CACNA2D3: variants seen among roughly 807,000 people sequenced by gnomAD.
The protein encoded by CACNA2D3 is voltage-dependent calcium channel subunit alpha-2/delta-3.
CACNA2D3 carries 60 observed loss-of-function variants against 160.6 expected under a neutral mutation model. That is an observed-to-expected ratio of 0.37 (90% CI 0.30 to 0.46). The LOEUF is 0.46. CACNA2D3 is among the 20% of genes least tolerant of loss of function. The pLI, the probability that CACNA2D3 is intolerant of heterozygous loss-of-function variation, is 1.00. For synonymous variants in CACNA2D3, 558 were observed against 492.9 expected (o/e 1.13, Z -1.75); for missense variants, 1,205 against 1,365.0 (o/e 0.88, Z 1.85).
At chr3:54,792,917 G>A (rs552832280) in intron 13 of CACNA2D3, among the ~76,000 whole-genome samples, 2 of 152,250 alleles carry the variant, frequency 1.3e-5, no homozygotes, top group East Asian at 1.9e-4. Flanking sequence ...TCAAAATGCT[G>A]TTGCCAAAAG....
intron 2 of CACNA2D3, among the ~76,000 whole-genome samples, chr3:54,211,536 A>C (rs1373042595): frequency 6.6e-6 from 1 of 152,228 alleles, no homozygotes; most frequent in Admixed American, 6.5e-5. Flanking sequence ...GGGTTGCAGC[A>C]GTTAATACCC....
At chr3:54,383,741 A>C (rs1478906803) in intron 3 of CACNA2D3, among the ~76,000 whole-genome samples, 1 of 152,134 alleles carries the variant, frequency 6.6e-6, no homozygotes, top group Non-Finnish European at 1.5e-5. Context: ...GAACGTGAAC[A>C]TAAAAACTTG....
chr3:54,418,745 C>A (rs2106745321), intron 4 of CACNA2D3, among the ~76,000 whole-genome samples: 1 of 152,264 alleles, frequency 6.6e-6, no homozygotes, highest in Middle Eastern at 3.4e-3. Context: ...TACAGGGTGT[C>A]AGGCTCCCAC....
chr3:54,131,649 C>G (rs1187711487), intron 2 of CACNA2D3, among the ~76,000 whole-genome samples: 1 of 152,218 alleles, frequency 6.6e-6, no homozygotes, highest in East Asian at 1.9e-4. Flanking sequence ...ATTTTTGTCA[C>G]TTTGATCCCA....
At chr3:54,625,260 T>C (rs1575389823) in intron 9 of CACNA2D3, among the ~76,000 whole-genome samples, 2 of 152,176 alleles carry the variant, frequency 1.3e-5, no homozygotes, top group Admixed American at 1.3e-4. Flanking sequence ...CCATGGCAAG[T>C]GCCTGGCATA....
chr3:54,453,515 A>T (rs1333572819), intron 4 of CACNA2D3, among the ~76,000 whole-genome samples: 1 of 70,652 alleles, frequency 1.4e-5, no homozygotes, highest in East Asian at 5.6e-4. Flanking sequence ...TACAAACGAG[A>T]TCTTTTTGGT....
At chr3:54,825,374 C>G (rs145198272) in intron 14 of CACNA2D3, among the ~76,000 whole-genome samples, 1 of 152,266 alleles carries the variant, frequency 6.6e-6, no homozygotes, top group Non-Finnish European at 1.5e-5. Context: ...CCTGGGTGGT[C>G]TTGAAGGGGA....
intron 2 of CACNA2D3, among the ~76,000 whole-genome samples, chr3:54,292,515 T>G (rs754604020): frequency 6.6e-6 from 1 of 152,062 alleles, no homozygotes; most frequent in Non-Finnish European, 1.5e-5. Flanking sequence ...GAACAAAGGT[T>G]CTGAATAAAC....
intron 14 of CACNA2D3, among the ~76,000 whole-genome samples, chr3:54,821,718 T>TTCTTTC (rs10640637): frequency 0.084 from 9,788 of 116,854 alleles, 663 homozygotes; most frequent in East Asian, 0.11. Flanking sequence ...CCTTCTTTCC[T>TTCTTTC]CTCTCTCTCT....
chr3:54,333,959 A>G (rs1018604207), intron 3 of CACNA2D3, among the ~76,000 whole-genome samples: 1 of 152,232 alleles, frequency 6.6e-6, no homozygotes, highest in Admixed American at 6.5e-5. Context: ...TGGTTCTCCA[A>G]GCACGCTCCC....
intron 29 of CACNA2D3, among the ~76,000 whole-genome samples, chr3:54,984,097 C>A (rs947686285): frequency 6.6e-6 from 1 of 152,186 alleles, no homozygotes; most frequent in Non-Finnish European, 1.5e-5. Flanking sequence ...CCCTTCCCCC[C>A]TGCCTCAGTC....
chr3:54,949,624 G>A (rs765612878), intron 27 of CACNA2D3, among the ~76,000 whole-genome samples: 14 of 152,276 alleles, frequency 9.2e-5, no homozygotes, highest in South Asian at 2.1e-4. Flanking sequence ...ATTCTCAAGC[G>A]CATTGGTCAC....
chr3:54,334,236 G>T (rs1057411088), intron 3 of CACNA2D3, among the ~76,000 whole-genome samples: 8 of 151,366 alleles, frequency 5.3e-5, no homozygotes, highest in African/African-American at 1.9e-4. Context: ...ACAGGCGCTC[G>T]CCACGACGCT....
chr3:54,128,138 T>C (rs1699633321), intron 2 of CACNA2D3, among the ~76,000 whole-genome samples: 1 of 152,190 alleles, frequency 6.6e-6, no homozygotes, highest in African/African-American at 2.4e-5. Flanking sequence ...TTTTGATTGA[T>C]TAGCATGGTG....
intron 35 of CACNA2D3, among the ~76,000 whole-genome samples, chr3:55,021,106 C>G (rs1275874865): frequency 1.3e-5 from 2 of 152,040 alleles, no homozygotes; most frequent in Non-Finnish European, 2.9e-5. Context: ...ACTTATAAAA[C>G]TATTAGTGAC....
intron 28 of CACNA2D3, 81 bp downstream of exon 28, chr3:54,968,592 A>G (rs1702205184): frequency 2.0e-6 from 2 of 979,494 alleles, no homozygotes; most frequent in South Asian, 2.9e-5. Context: ...GGAGCCTGAA[A>G]GTGCCAGATT....
At chr3:54,493,231 C>T (rs1351471106) in intron 4 of CACNA2D3, among the ~76,000 whole-genome samples, 1 of 151,818 alleles carries the variant, frequency 6.6e-6, no homozygotes, top group African/African-American at 2.4e-5. Flanking sequence ...GCGCACACTA[C>T]CACACCCGGC....
At chr3:54,687,140 T>TTTTTTTTTTTTTTTTTTTTTTTTTTTTTG (rs1559549449) in intron 11 of CACNA2D3, among the ~76,000 whole-genome samples, 2 of 69,670 alleles carry the variant, frequency 2.9e-5, no homozygotes, top group African/African-American at 1.2e-4. Context: ...TTTTTGTTTT[T>TTTTTTTTTTTTTTTTTTTTTTTTTTTTTG]TTTTTTTTTT....
At chr3:54,950,236 T>G (rs944882119) in intron 27 of CACNA2D3, among the ~76,000 whole-genome samples, 1 of 152,222 alleles carries the variant, frequency 6.6e-6, no homozygotes, top group African/African-American at 2.4e-5. Context: ...AAGCAATGTT[T>G]TGTCAAATTT....
Sources: allele counts gnomAD v4.1 joint callset (sites outside exome capture counted in the v4.1 genomes callset), GRCh38; gene constraint gnomAD v4.1.1; transcripts MANE v1.5; gene names NCBI Gene and HGNC (gene_info 2026-07-23, HGNC 2026-07-21).